The following CERS4 variants were observed in gnomAD, a reference collection of about 807,000 sequenced individuals.
CERS4 encodes LAG1 homolog, ceramide synthase 4.
A neutral mutation model predicts 51.8 loss-of-function variants in CERS4; 65 were observed. That is an observed-to-expected ratio of 1.26 (90% CI 1.03 to 1.54). The LOEUF (loss-of-function observed/expected upper bound fraction) is 1.54, where lower values mean the gene tolerates loss of function less well. Ranked by LOEUF, CERS4 falls within the 40% of genes most tolerant of loss-of-function variation. The probability of loss-of-function intolerance (pLI) is 0.00; values close to 1 mark genes in which losing one functional copy is unlikely to be tolerated. For synonymous variants in CERS4, 228 were observed against 208.4 expected (o/e 1.09, Z -0.81); for missense variants, 563 against 500.4 (o/e 1.13, Z -1.19).
At position 8,262,003 on chromosome 19, in the gene CERS4, T is replaced by C; in HGVS notation, c.1079T>C (p.Leu360Pro). ...GAGGCGGCGGCGGCCCAGGAACCTC[T>C]GCAGCTAAAGAACGGGGCAGCTGGA... is the stretch of plus-strand genomic sequence containing the variant. ...SEEAAAAQEP[L>P]QLKNGAAGGP... Residue 360 changes from leucine (L) to proline (P), a missense_variant, in exon 12 of 12, where the codon CTG (leucine) becomes CCG (proline). Physicochemically the swap from Leu to Pro is moderately conservative, Grantham distance 98. Transcript: ENST00000251363. The C allele has an allele frequency of 6.3e-7, 1 of 1,594,300 alleles. No homozygotes were observed. The highest frequency in any genetic ancestry group is 8.5e-7 in the Non-Finnish European group (1 of 1,171,272).
At position 8,257,928 on chromosome 19, in the gene CERS4, T is replaced by G. The variant is rs1363615244; in HGVS notation, c.791T>G (p.Leu264Arg). The change falls in exon 10 of 12, where the codon CTC (leucine) becomes CGC (arginine). Residue 264 changes from leucine (L) to arginine (R), a missense_variant. By Grantham distance (102) the Leu-to-Arg change is moderately radical. Transcript: ENST00000251363. ...CAGTATCAGCAAGTGTGCGACGCTC[T>G]CTTCCTCATCTTCTCCTTTGTCTTC... is the stretch of plus-strand genomic sequence containing the variant. Reference protein sequence around the residue: ...YMQYQQVCDALFLIFSFVFFY... With the variant: ...YMQYQQVCDARFLIFSFVFFY... 6.2e-7 allele frequency: 1 copy of G among 1,614,060 alleles called. No individual in the cohort carries two copies. The highest frequency in any genetic ancestry group is 8.5e-7 in the Non-Finnish European group (1 of 1,180,014).
intron 10 of CERS4, 87 bp from the exon 11 acceptor site, chr19:8,261,601 G>A (rs935909866): frequency 2.1e-5 from 31 of 1,498,024 alleles, no homozygotes; most frequent in African/African-American, 2.8e-5. Context: ...TATGGAGCAG[G>A]GAAGGCCATG....
chr19:8,252,185 G>A (rs7259287), intron 3 of CERS4, among the ~76,000 whole-genome samples: 42,902 of 151,652 alleles, frequency 0.28, 6,291 homozygotes, highest in East Asian at 0.39. Context: ...CCCGACAAAC[G>A]TGGTGAAACC....
chr19:8,251,929 T>A (rs531135733), intron 3 of CERS4, among the ~76,000 whole-genome samples: 19 of 151,340 alleles, frequency 1.3e-4, no homozygotes, highest in Admixed American at 2.6e-4. Context: ...TTAAAAAAAA[T>A]TTTTTTTTGA....
chr19:8,245,539 A>T (rs1968741555), intron 2 of CERS4, among the ~76,000 whole-genome samples: 2 of 151,424 alleles, frequency 1.3e-5, no homozygotes, highest in Admixed American at 1.3e-4. Context: ...TTTTATTTTT[A>T]TTTATTTTAT....
intron 7 of CERS4, 96 bp from the exon 8 acceptor site, chr19:8,256,522 T>C (rs1969391611): frequency 1.6e-6 from 2 of 1,212,862 alleles, no homozygotes; most frequent in South Asian, 2.8e-5. Flanking sequence ...GATTCAAGTA[T>C]CCTGGTTTTG....
intron 2 of CERS4, among the ~76,000 whole-genome samples, chr19:8,248,233 T>C (rs962562523): frequency 2.6e-5 from 4 of 152,236 alleles, no homozygotes; most frequent in Admixed American, 6.5e-5. Flanking sequence ...GTTGGCTTTA[T>C]TCCCCTGCTG....
At position 8,229,759 on chromosome 19, in the gene CERS4, T is replaced by A. The variant is rs1967935545; in HGVS notation, c.-2+18897T>A. Among the ~76,000 whole-genome samples, 3 of 152,052 alleles carry A rather than the reference T, an allele frequency of 2.0e-5. No homozygotes were observed. In the South Asian group the frequency reaches 6.2e-4, roughly 32 times the overall value. ...TCTCACTCTGTCAGACAGGCTGGAA[T>A]GCAGTGGCATGTTCAGGACTCACTA... On this transcript the variant is annotated intron_variant, in intron 2 of 11. Coordinates refer to ENST00000251363, the MANE Select transcript of CERS4 (RefSeq NM_024552.3).
At chr19:8,261,580 C>A in intron 10 of CERS4, 108 bp from the exon 11 acceptor site, 1 of 1,293,478 alleles carries the variant, frequency 7.7e-7, no homozygotes, top group Non-Finnish European at 1.1e-6. Context: ...CACTAGGGAG[C>A]CATAGGTGGT....
chr19:8,236,611 A>G (rs1968264453), intron 2 of CERS4, among the ~76,000 whole-genome samples: 1 of 150,912 alleles, frequency 6.6e-6, no homozygotes, highest in South Asian at 2.1e-4. Flanking sequence ...CCCAAGACGC[A>G]GAGGTAGCAA....
intron 2 of CERS4, among the ~76,000 whole-genome samples, chr19:8,223,304 T>C (rs1457784575): frequency 6.6e-6 from 1 of 151,584 alleles, no homozygotes; most frequent in Non-Finnish European, 1.5e-5. Flanking sequence ...ACCTGGTCTC[T>C]ACAAAAAAAT....
chr19:8,216,160 C>G (rs1357160111), intron 2 of CERS4, among the ~76,000 whole-genome samples: 1 of 152,014 alleles, frequency 6.6e-6, no homozygotes, highest in African/African-American at 2.4e-5. Flanking sequence ...GGGCAGATCA[C>G]CTGAGGCCAG....
At chr19:8,214,989 G>GGAGGAA (rs142086396) in intron 2 of CERS4, among the ~76,000 whole-genome samples, 6,077 of 76,164 alleles carry the variant, frequency 0.08, 217 homozygotes, top group East Asian at 0.14. Context: ...AAGAGGAGGG[G>GGAGGAA]GAGGAGAGGG....
At chr19:8,222,535 G>C (rs369717627) in intron 2 of CERS4, among the ~76,000 whole-genome samples, 3 of 151,166 alleles carry the variant, frequency 2.0e-5, no homozygotes, top group African/African-American at 7.3e-5. Flanking sequence ...TTTTGCTCTT[G>C]TTGCCCAGGC....
At chr19:8,247,088 CCCTCAAG>C (rs1330086775) in intron 2 of CERS4, among the ~76,000 whole-genome samples, 5 of 152,194 alleles carry the variant, frequency 3.3e-5, no homozygotes, top group African/African-American at 1.2e-4. Flanking sequence ...ATTGCTTGAA[CCCTCAAG>C]GTGGAGGTTG....
At chr19:8,234,845 C>T (rs953373597) in intron 2 of CERS4, among the ~76,000 whole-genome samples, 5 of 151,670 alleles carry the variant, frequency 3.3e-5, no homozygotes, top group Admixed American at 1.3e-4. Context: ...TGAGCCACCA[C>T]GCCCGGCCCC....
Position 8,261,681 on chromosome 19 carries a change from G to A in CERS4, c.849-7G>A. 1.2e-6 allele frequency: 2 copies of A among 1,613,882 alleles called. No homozygotes were observed. Among genetic ancestry groups the A allele is most frequent in the South Asian group, 2.2e-5 (2 of 91,072 alleles). ...ACCCCAGCCTCCTCCTCTCCCCCTG[G>A]CTGTAGGATCCTCTACACCACATAC... On this transcript the variant is annotated splice_region_variant and splice_polypyrimidine_tract_variant and intron_variant, in intron 10 of 11. Coordinates refer to ENST00000251363, the MANE Select transcript of CERS4 (RefSeq NM_024552.3).
At chr19:8,234,088 C>T (rs900706571) in intron 2 of CERS4, among the ~76,000 whole-genome samples, 3 of 151,834 alleles carry the variant, frequency 2.0e-5, no homozygotes, top group Non-Finnish European at 2.9e-5. Flanking sequence ...GGGCGGATCA[C>T]GAGGTCAGGA....
chr19:8,216,937 C>T (rs375049551), intron 2 of CERS4, among the ~76,000 whole-genome samples: 13 of 152,188 alleles, frequency 8.5e-5, no homozygotes, highest in East Asian at 3.9e-4. Context: ...TTGGATGACT[C>T]CATGCCTCAC....
Sources: allele counts gnomAD v4.1 joint callset (sites outside exome capture counted in the v4.1 genomes callset), GRCh38; gene constraint gnomAD v4.1.1; transcripts MANE v1.5; gene names NCBI Gene and HGNC (gene_info 2026-07-23, HGNC 2026-07-21).